Variants in MSH3 observed in about 807,000 individuals in gnomAD.
MSH3 encodes mutS homolog 3.
Under a neutral mutation model 123.3 loss-of-function variants are expected in MSH3, and 106 were observed. The ratio of observed to expected loss-of-function variants is 0.86; its 90% confidence interval spans 0.73 to 1.01. The LOEUF (loss-of-function observed/expected upper bound fraction) is 1.01. Among genes scored for constraint, MSH3 ranks in the 50% least tolerant of loss-of-function variants. The probability of loss-of-function intolerance (pLI) is 0.00; values close to 1 mark genes in which losing one functional copy is unlikely to be tolerated. For synonymous variants in MSH3, 515 were observed against 481.4 expected (o/e 1.07, Z -0.91); for missense variants, 1,459 against 1,347.6 (o/e 1.08, Z -1.29).
chr5:80,852,702 G>A (rs762343070), intron 20 of MSH3, among the ~76,000 whole-genome samples: 12 of 152,154 alleles, frequency 7.9e-5, no homozygotes, highest in Non-Finnish European at 1.3e-4. Context: ...TCTCAATGCC[G>A]CTAGTTATTG....
At chr5:80,696,046 C>T (rs569783790) in intron 8 of MSH3, among the ~76,000 whole-genome samples, 30 of 152,096 alleles carry the variant, frequency 2.0e-4, no homozygotes, top group Non-Finnish European at 3.8e-4. Context: ...CGTTGAAACC[C>T]GAGGGAGATG....
chr5:80,694,546 G>C (rs534067272), intron 8 of MSH3, among the ~76,000 whole-genome samples: 1 of 152,158 alleles, frequency 6.6e-6, no homozygotes, highest in South Asian at 2.1e-4. Flanking sequence ...CTCAGGAGGG[G>C]TTCCTATTGC....
rs1750263624 is a variant in MSH3 at position 80,691,847 on chromosome 5, A to ATGTT, written c.1340+12755_1340+12756insGTTT. On this transcript the variant is annotated intron_variant, in intron 8 of 23. Transcript: ENST00000265081. ...TTTATATAGATAAATAAACATGTATATATTTATATAGCTAAACATGTATGT... is the reference window on the plus strand; with the variant it reads ...TTTATATAGATAAATAAACATGTATATGTTTATTTATATAGCTAAACATGTATGT... Among the ~76,000 whole-genome samples, 7 of 145,930 alleles carry ATGTT rather than the reference A, an allele frequency of 4.8e-5. 1 individual carries two copies. Among genetic ancestry groups the ATGTT allele is most frequent in the East Asian group, 3.9e-4 (2 of 5,118 alleles).
At chr5:80,729,095 C>G in intron 10 of MSH3, 130 bp downstream of exon 10, 1 of 648,822 alleles carries the variant, frequency 1.5e-6, no homozygotes. Context: ...CAAGGATGAG[C>G]TGTTTGGTAT....
chr5:80,746,581 T>G, intron 12 of MSH3: 1 of 392,556 alleles, frequency 2.5e-6, no homozygotes, highest in Non-Finnish European at 5.0e-6. Context: ...AGGGATCTCC[T>G]CTGTTCGTTT....
At chr5:80,781,428 GTTATTCTTGATTC>G (rs1744407027) in intron 17 of MSH3, among the ~76,000 whole-genome samples, 1 of 150,968 alleles carries the variant, frequency 6.6e-6, no homozygotes, top group African/African-American at 2.4e-5. Flanking sequence ...TCATCCTGGT[GTTATTCTTGATTC>G]TTTCTTCCTT....
intron 20 of MSH3, among the ~76,000 whole-genome samples, chr5:80,831,131 G>T (rs1042921330): frequency 6.6e-6 from 1 of 151,978 alleles, no homozygotes; most frequent in African/African-American, 2.4e-5. Context: ...AAAATAATAA[G>T]TCAGGGATTG....
chr5:80,665,249 T>C lies in MSH3; in HGVS notation c.465T>C (p.Ser155=). The change falls in exon 3 of 24, where the codon TCT becomes TCC. Residue 155 remains serine (S), a synonymous_variant. Transcript: ENST00000265081. ...CTCAAAGTAGAGTCCAGACAGAATC[T>C]CTGCAGGAGAGATTTGCAGTTCTGC... The part of the protein sequence containing the change: ...ALPQSRVQTE[S]LQERFAVLPK... 1 of 1,614,090 alleles carries C rather than the reference T, an allele frequency of 6.2e-7. No individual in the cohort carries two copies.
chr5:80,672,500 A>T, intron 5 of MSH3, 140 bp downstream of exon 5: 1 of 725,248 alleles, frequency 1.4e-6, no homozygotes, highest in Non-Finnish European at 2.4e-6. Flanking sequence ...TTTCATAATT[A>T]TTAGTATTAT....
chr5:80,722,556 A>T (rs1751103083), intron 8 of MSH3, among the ~76,000 whole-genome samples: 1 of 152,194 alleles, frequency 6.6e-6, no homozygotes, highest in South Asian at 2.1e-4. Context: ...TTTAATGTGC[A>T]GTAGAGTCCC....
intron 20 of MSH3, among the ~76,000 whole-genome samples, chr5:80,839,616 C>T (rs1423487044): frequency 6.6e-6 from 1 of 152,104 alleles, no homozygotes; most frequent in Non-Finnish European, 1.5e-5. Context: ...ATCTTTGTGT[C>T]AGATGTTTGC....
At chr5:80,666,782 C>G (rs1171654641) in intron 3 of MSH3, among the ~76,000 whole-genome samples, 85 of 152,176 alleles carry the variant, frequency 5.6e-4, no homozygotes, top group Non-Finnish European at 7.3e-5. Flanking sequence ...CAAAAAGCTA[C>G]TGAGTGAACA....
At chr5:80,662,734 G>A (rs1047567030) in intron 2 of MSH3, among the ~76,000 whole-genome samples, 3 of 151,934 alleles carry the variant, frequency 2.0e-5, no homozygotes, top group African/African-American at 7.3e-5. Flanking sequence ...GGCTGAAGTA[G>A]GAGAATTACT....
chr5:80,735,440 G>A (rs1026576977), intron 10 of MSH3, among the ~76,000 whole-genome samples: 1 of 148,270 alleles, frequency 6.7e-6, no homozygotes, highest in Non-Finnish European at 1.5e-5. Context: ...TAATCCCAGC[G>A]CTTTGGGAGG....
intron 8 of MSH3, among the ~76,000 whole-genome samples, chr5:80,693,862 A>T (rs1237561197): frequency 6.6e-6 from 1 of 152,026 alleles, no homozygotes; most frequent in Admixed American, 6.6e-5. Context: ...GTTTCACCAT[A>T]GTGTCCAGGC....
chr5:80,778,891 GA>G, intron 17 of MSH3, 55 bp downstream of exon 17: 1 of 1,018,684 alleles, frequency 9.8e-7, no homozygotes, highest in Non-Finnish European at 1.6e-6. Context: ...AAACAGACTG[GA>G]AAAATCTTTC....
intron 20 of MSH3, among the ~76,000 whole-genome samples, chr5:80,831,563 TAC>T (rs1180394257): frequency 6.6e-6 from 1 of 152,200 alleles, no homozygotes; most frequent in Admixed American, 6.5e-5. Context: ...GGTATTCTCT[TAC>T]AGTCTTTCCT....
At chr5:80,672,416 T>C (rs1580551993) in intron 5 of MSH3, 56 bp downstream of exon 5, 5 of 1,307,162 alleles carry the variant, frequency 3.8e-6, no homozygotes, top group East Asian at 2.3e-5. Context: ...CTCCAGAGAG[T>C]GCAAACGTGT....
Position 80,792,804 on chromosome 5 carries a change from G to A in MSH3, c.2615G>A (p.Gly872Glu), listed in dbSNP as rs768150895. The A allele has an allele frequency of 3.7e-6, 6 of 1,613,160 alleles. No homozygotes were observed. The South Asian group carries it at 6.6e-5, about 18-fold the overall frequency. Residue 872 changes from glycine to glutamate, a missense_variant, in exon 19 of 24, where the codon GGA becomes GAA. Gly to Glu is a moderately conservative substitution (Grantham distance 98). Coordinates refer to ENST00000265081, the MANE Select transcript of MSH3 (RefSeq NM_002439.5). ...CACCCTGTGATTGATGTGTTGCTGG[G>A]AGAACAGGATCAATATGTCCCAAAT... ...GRHPVIDVLL[G>E]EQDQYVPNNT...
Sources: allele counts gnomAD v4.1 joint callset (sites outside exome capture counted in the v4.1 genomes callset), GRCh38; gene constraint gnomAD v4.1.1; transcripts MANE v1.5; gene names NCBI Gene and HGNC (gene_info 2026-07-23, HGNC 2026-07-21).